Variants in DACH2 observed in about 807,000 individuals in gnomAD.
DACH2 encodes the protein dachshund homolog 2.
DACH2 carries 17 observed loss-of-function variants against 35.8 expected under a neutral mutation model. The ratio of observed to expected loss-of-function variants is 0.48; its 90% CI spans 0.33 to 0.71. The LOEUF is 0.71. Among genes scored for constraint, DACH2 ranks in the 30% least tolerant of loss-of-function variants. The probability of loss-of-function intolerance (pLI) is 0.02; values close to 1 mark genes in which losing one functional copy is unlikely to be tolerated. For missense variants in DACH2, 469 were observed against 472.7 expected, an observed-to-expected ratio of 0.99 and a Z score of 0.07; for synonymous variants, 195 against 177.3, an observed-to-expected ratio of 1.10 and a Z score of -0.79.
At chrX:86,795,341 C>A (rs752565800) in intron 7 of DACH2, among the ~76,000 whole-genome samples, 1 of 106,357 alleles carries the variant, frequency 9.4e-6, no homozygotes, top group Non-Finnish European at 1.9e-5. Flanking sequence ...TCATGCCATT[C>A]TTCCGCCTCA....
intron 1 of DACH2, among the ~76,000 whole-genome samples, chrX:86,302,669 T>C (rs2034596801): frequency 9.0e-6 from 1 of 110,688 alleles, no homozygotes; most frequent in African/African-American, 3.3e-5. Context: ...TTGAAAGTAG[T>C]ATACAATAGC....
At chrX:86,216,786 A>G (rs994798143) in intron 1 of DACH2, among the ~76,000 whole-genome samples, 26 of 111,483 alleles carry the variant, frequency 2.3e-4, no homozygotes, top group African/African-American at 8.1e-4. Context: ...ACATAGCAAG[A>G]GTTATAAACA....
At chrX:86,504,033 A>G (rs915746383) in intron 2 of DACH2, among the ~76,000 whole-genome samples, 1 of 111,974 alleles carries the variant, frequency 8.9e-6, no homozygotes, top group Non-Finnish European at 1.9e-5. Flanking sequence ...CCACTATTAT[A>G]TCAGATGACT....
intron 3 of DACH2, among the ~76,000 whole-genome samples, chrX:86,589,954 G>T (rs2039622057): frequency 1.8e-5 from 2 of 111,815 alleles, no homozygotes; most frequent in African/African-American, 6.5e-5. Context: ...TGGGAAATTG[G>T]TTAAGTGTTG....
At chrX:86,258,232 T>G (rs1161040417) in intron 1 of DACH2, among the ~76,000 whole-genome samples, 2 of 112,442 alleles carry the variant, frequency 1.8e-5, no homozygotes, top group Non-Finnish European at 3.8e-5. Context: ...GTTGTTCATT[T>G]TTTAAGCTTG....
chrX:86,278,987 C>T (rs1485946480), intron 1 of DACH2, among the ~76,000 whole-genome samples: 4 of 112,135 alleles, frequency 3.6e-5, no homozygotes, highest in Non-Finnish European at 7.5e-5. Flanking sequence ...CAGACTGCCT[C>T]TCTAGATTCC....
At chrX:86,265,953 GTA>G (rs959447593) in intron 1 of DACH2, among the ~76,000 whole-genome samples, 6 of 111,577 alleles carry the variant, frequency 5.4e-5, no homozygotes, top group African/African-American at 2.0e-4. Flanking sequence ...GTGCATGTGT[GTA>G]TGTGTGTGTG....
intron 2 of DACH2, among the ~76,000 whole-genome samples, chrX:86,491,951 T>G (rs907849201): frequency 9.0e-6 from 1 of 111,720 alleles, no homozygotes; most frequent in Non-Finnish European, 1.9e-5. Context: ...ACATGTGCCT[T>G]TTAACATCAA....
At chrX:86,626,865 C>T (rs2040144502) in intron 3 of DACH2, among the ~76,000 whole-genome samples, 2 of 112,727 alleles carry the variant, frequency 1.8e-5, no homozygotes, top group African/African-American at 6.4e-5. Context: ...ACCTGCTAGG[C>T]CTCCTGGCTT....
At chrX:86,329,561 A>ATT (rs57360476) in intron 1 of DACH2, among the ~76,000 whole-genome samples, 18 of 108,045 alleles carry the variant, frequency 1.7e-4, no homozygotes, top group Non-Finnish European at 1.2e-4. Context: ...AATCAAATAA[A>ATT]TTTTTTTTTT....
chrX:86,555,077 C>T (rs1237559610), intron 3 of DACH2, among the ~76,000 whole-genome samples: 1 of 110,770 alleles, frequency 9.0e-6, no homozygotes, highest in Non-Finnish European at 1.9e-5. Flanking sequence ...ATGTATTATT[C>T]ATCCACTGTT....
chrX:86,164,509 G>A lies in DACH2; in HGVS notation c.488+15401G>A, dbSNP rs897191405. On this transcript the variant is annotated intron_variant, in intron 1 of 11. Transcript: ENST00000373125. ...TGTCTTTGTCATGAAATCTTTGCCC[G>A]TTCCTATGTCCAGGATGGTATTGAC... Among the ~76,000 whole-genome samples, 8 of 110,878 alleles carry A rather than the reference G, an allele frequency of 7.2e-5. No homozygotes were observed. In the Admixed American group the frequency reaches 7.7e-4, roughly 11 times the overall value.
intron 4 of DACH2, among the ~76,000 whole-genome samples, chrX:86,689,335 C>A (rs942072405): frequency 3.2e-4 from 35 of 110,899 alleles, no homozygotes; most frequent in Non-Finnish European, 4.9e-4. Context: ...CACATACATG[C>A]CTCGTTTTCC....
chrX:86,168,522 G>T (rs1282524971), intron 1 of DACH2, among the ~76,000 whole-genome samples: 1 of 109,355 alleles, frequency 9.1e-6, no homozygotes, highest in African/African-American at 3.3e-5. Context: ...AGAGAGTTTA[G>T]TCTATTTACA....
intron 2 of DACH2, among the ~76,000 whole-genome samples, chrX:86,466,457 G>T (rs2037670185): frequency 9.1e-6 from 1 of 110,038 alleles, no homozygotes; most frequent in South Asian, 4.0e-4. Context: ...ATATCATTCT[G>T]CCCCTGGCCC....
intron 1 of DACH2, among the ~76,000 whole-genome samples, chrX:86,239,339 G>GC (rs1159315422): frequency 9.0e-6 from 1 of 111,111 alleles, no homozygotes; most frequent in South Asian, 3.8e-4. Context: ...GCATGCAGAA[G>GC]CCCCCCTTTT....
At chrX:86,439,267 G>A (rs988733190) in intron 2 of DACH2, among the ~76,000 whole-genome samples, 1 of 111,527 alleles carries the variant, frequency 9.0e-6, no homozygotes, top group Non-Finnish European at 1.9e-5. Context: ...TTACTATCGA[G>A]TTGTTTGAGT....
chrX:86,746,213 C>CCCAA (rs2041710834), intron 7 of DACH2, among the ~76,000 whole-genome samples: 2 of 111,430 alleles, frequency 1.8e-5, no homozygotes, highest in African/African-American at 6.5e-5. Flanking sequence ...CTGCTGGGAA[C>CCCAA]ATTTGCATAC....
intron 6 of DACH2, among the ~76,000 whole-genome samples, chrX:86,729,405 G>A: frequency 8.9e-6 from 1 of 111,767 alleles, no homozygotes; most frequent in East Asian, 2.8e-4. Context: ...TAGTTTTATA[G>A]GCTCATAGGT....
Sources: allele counts gnomAD v4.1 joint callset (sites outside exome capture counted in the v4.1 genomes callset), GRCh38; gene constraint gnomAD v4.1.1; transcripts MANE v1.5; gene names NCBI Gene and HGNC (gene_info 2026-07-23, HGNC 2026-07-21).